EPB41L3: variants seen among roughly 807,000 people sequenced by gnomAD.
EPB41L3 encodes erythrocyte membrane protein band 4.1 like 3.
Under a neutral mutation model 127.1 loss-of-function variants are expected in EPB41L3, and 57 were observed. The observed-to-expected ratio is 0.45, with a 90% CI of 0.36 to 0.56. The LOEUF (loss-of-function observed/expected upper bound fraction) is 0.56. Among genes scored for constraint, EPB41L3 ranks in the 20% least tolerant of loss-of-function variants. The pLI is 0.00. For synonymous variants in EPB41L3, 572 were observed against 549.5 expected, an observed-to-expected ratio of 1.04 and a Z score of -0.57; for missense variants, 1,273 against 1,372.2, an observed-to-expected ratio of 0.93 and a Z score of 1.14.
chr18:5,546,950 T>C (rs1215574614), upstream of EPB41L3, among the ~76,000 whole-genome samples: 3 of 152,222 alleles, frequency 2.0e-5, no homozygotes, highest in East Asian at 5.8e-4. Flanking sequence ...AGCTGTCACT[T>C]TTCTTCAGGG....
In EPB41L3 at chr18:5,612,070, T is replaced by C. The variant is rs1165559569; in HGVS notation, c.-306+270A>G. 2.0e-5 allele frequency among the ~76,000 whole-genome samples: 3 copies of C among 151,586 alleles called. No homozygotes were observed. The East Asian group carries it at 5.8e-4, about 30-fold the overall frequency. ...AAGATGGTAAATTTTATGACACTTG[T>C]ATTTTGCCACAATTAGGGCAAAAAA... On this transcript the variant is annotated intron_variant, in intron 3 of 21. Transcript: ENST00000545076.
chr18:5,567,882 A>C (rs992553533), intron 3 of EPB41L3, among the ~76,000 whole-genome samples: 7 of 152,214 alleles, frequency 4.6e-5, no homozygotes, highest in African/African-American at 1.7e-4. Context: ...ACAATCACTT[A>C]ATCCAGAGAA....
At chr18:5,399,275 A>T in intron 16 of EPB41L3, 1 of 398,924 alleles carries the variant, frequency 2.5e-6, no homozygotes, top group Non-Finnish European at 4.4e-6. Context: ...CAGCTGGGAG[A>T]TCACCAGTTT....
intron 3 of EPB41L3, among the ~76,000 whole-genome samples, chr18:5,553,129 A>G (rs2093987862): frequency 1.3e-5 from 2 of 152,226 alleles, no homozygotes; most frequent in Non-Finnish European, 2.9e-5. Context: ...AAAAGTCACT[A>G]ATTTAGAAAG....
At chr18:5,559,218 G>A (rs2094086599) in intron 3 of EPB41L3, among the ~76,000 whole-genome samples, 2 of 152,120 alleles carry the variant, frequency 1.3e-5, no homozygotes, top group Admixed American at 6.6e-5. Flanking sequence ...TAAAGGTTTC[G>A]ACAATGAAAT....
intron 3 of EPB41L3, among the ~76,000 whole-genome samples, chr18:5,472,565 C>T (rs1220969191): frequency 1.3e-5 from 2 of 152,290 alleles, no homozygotes; most frequent in East Asian, 3.9e-4. Context: ...ATGAACAATA[C>T]CTGTATTGGT....
intron 3 of EPB41L3, among the ~76,000 whole-genome samples, chr18:5,556,920 G>A (rs1237996698): frequency 6.6e-6 from 1 of 152,232 alleles, no homozygotes; most frequent in Non-Finnish European, 1.5e-5. Flanking sequence ...GTGTCACGGT[G>A]ATGACGGGGG....
rs2087697700 is a variant in EPB41L3 at position 5,478,456 on chromosome 18, T to A, written c.184-18A>T. Reference sequence around the variant, plus strand: ...TCAGTGACCTGTGAAGAGCAAACAATCAACAGTTTTCATTGCAAGGTGGGA... The same window carrying A: ...TCAGTGACCTGTGAAGAGCAAACAAACAACAGTTTTCATTGCAAGGTGGGA... On this transcript the variant is annotated intron_variant, in intron 2 of 22. Coordinates refer to ENST00000341928, the MANE Select transcript of EPB41L3 (RefSeq NM_012307.5). 1.2e-6 allele frequency: 2 copies of A among 1,612,106 alleles called. No individual in the cohort carries two copies. The highest frequency in any genetic ancestry group is 3.3e-5 in the Admixed American group (2 of 59,960).
At chr18:5,419,584 T>G in intron 12 of EPB41L3, 127 bp downstream of exon 12, 1 of 1,286,518 alleles carries the variant, frequency 7.8e-7, no homozygotes, top group South Asian at 1.4e-5. Context: ...AATTGACATA[T>G]GAATGTGACC....
intron 9 of EPB41L3, among the ~76,000 whole-genome samples, chr18:5,426,249 C>T (rs970356952): frequency 1.3e-5 from 2 of 152,168 alleles, no homozygotes; most frequent in Non-Finnish European, 2.9e-5. Context: ...AGAGTTACTC[C>T]CTGAAAATCT....
rs569606949 is a variant in EPB41L3 at position 5,511,294 on chromosome 18, C to T, written c.-11-22100G>A. Among the ~76,000 whole-genome samples, 36 of 150,606 alleles carry T rather than the reference C, an allele frequency of 2.4e-4. 1 individual carries two copies. In the Middle Eastern group the frequency reaches 0.01, roughly 44 times the overall value. On this transcript the variant is annotated intron_variant, in intron 1 of 22. Coordinates refer to ENST00000341928, the MANE Select transcript of EPB41L3 (RefSeq NM_012307.5). Reference sequence around the variant, plus strand: ...TAAAGTGAATTAATTTGATTTCTCTCCAATATCTCCCTTGAAAAATTGACT... The same window carrying T: ...TAAAGTGAATTAATTTGATTTCTCTTCAATATCTCCCTTGAAAAATTGACT...
At chr18:5,407,008 AC>A (rs1490024181) in intron 15 of EPB41L3, 40 bp from the exon 16 acceptor site, 1 of 1,569,216 alleles carries the variant, frequency 6.4e-7, no homozygotes, top group South Asian at 1.1e-5. Flanking sequence ...TCAATGTTTT[AC>A]ATTTGTGTTC....
chr18:5,539,430 G>C (rs765636563), intron 1 of EPB41L3, among the ~76,000 whole-genome samples: 1 of 152,106 alleles, frequency 6.6e-6, no homozygotes, highest in African/African-American at 2.4e-5. Context: ...ACCAATCATC[G>C]CAAGGACTAA....
rs1166687120 is a variant in EPB41L3, at chr18:5,543,882, A to C, written c.-12+31T>G. The C allele has an allele frequency of 7.9e-5, 78 of 984,344 alleles. No individual in the cohort carries two copies. Among genetic ancestry groups the C allele is most frequent in the Non-Finnish European group, 9.2e-5 (76 of 829,754 alleles). 61.0% of individuals were successfully genotyped at this position (984,344 alleles called of 1,614,324 possible). A position where few individuals can be genotyped will look rare whatever the true frequency, so the allele number is the denominator to read the frequency against. Reference sequence around the variant, plus strand: ...CCTCGTAAAGCCGAGACCCCCTCGCAGTCCCCCACTCCGAGAGGCGGAAAA... The same window carrying C: ...CCTCGTAAAGCCGAGACCCCCTCGCCGTCCCCCACTCCGAGAGGCGGAAAA... On this transcript the variant is annotated intron_variant, in intron 1 of 22. Transcript: ENST00000341928. The surrounding 1 kb of genome is among the most constrained non-coding windows in gnomAD (Gnocchi z 5.2).
intron 1 of EPB41L3, among the ~76,000 whole-genome samples, chr18:5,523,305 C>G (rs1390487184): frequency 6.6e-6 from 1 of 152,164 alleles, no homozygotes; most frequent in Non-Finnish European, 1.5e-5. Context: ...TCTTTTGTTT[C>G]CCCAAGTCTT....
intron 3 of EPB41L3, among the ~76,000 whole-genome samples, chr18:5,454,604 ACATATATTGT>A (rs2082756698): frequency 6.6e-6 from 1 of 152,214 alleles, no homozygotes; most frequent in Admixed American, 6.5e-5. Flanking sequence ...TCTAGATGGC[ACATATATTGT>A]CAGTCCTTTC....
intron 1 of EPB41L3, among the ~76,000 whole-genome samples, chr18:5,534,471 T>C (rs759066252): frequency 2.0e-5 from 3 of 152,216 alleles, no homozygotes; most frequent in African/African-American, 7.2e-5. Flanking sequence ...ATCCGTGGAT[T>C]GGTCCCCAAA....
intron 3 of EPB41L3, among the ~76,000 whole-genome samples, chr18:5,559,153 T>C (rs570205952): frequency 2.0e-5 from 3 of 152,242 alleles, no homozygotes; most frequent in Non-Finnish European, 2.9e-5. Flanking sequence ...GCTACAGTTT[T>C]ACTTTTATAC....
intron 3 of EPB41L3, among the ~76,000 whole-genome samples, chr18:5,607,870 C>A (rs1480784374): frequency 2.6e-5 from 4 of 151,614 alleles, no homozygotes; most frequent in African/African-American, 9.8e-5. Flanking sequence ...AAAACATTAT[C>A]TGGGATGCAC....
Sources: gnomAD v4.1 joint callset for allele counts (sites outside exome capture counted in the v4.1 genomes callset) on GRCh38, gnomAD v4.1.1 for gene constraint, Gnocchi (gnomAD v3.1) non-coding constraint, MANE v1.5 for transcripts, NCBI Gene and HGNC (gene_info 2026-07-23, HGNC 2026-07-21) for gene names.